PLXNA2: variants seen among roughly 807,000 people sequenced by gnomAD.
PLXNA2 encodes plexin-A2.
Under a neutral mutation model 193.5 loss-of-function variants are expected in PLXNA2, and 91 were observed. The observed-to-expected ratio is 0.47, with a 90% CI of 0.40 to 0.56. The LOEUF is 0.56. PLXNA2 is among the 20% of genes least tolerant of loss of function. PLXNA2 has a pLI of 0.00. For missense variants in PLXNA2, 1,995 were observed against 2,503.2 expected (o/e 0.80, Z 4.33); for synonymous variants, 997 against 1,027.3 (o/e 0.97, Z 0.56).
At chr1:208,031,829 G>T in intron 28 of PLXNA2, 70 bp from the exon 29 acceptor site, 1 of 1,380,850 alleles carries the variant, frequency 7.2e-7, no homozygotes, top group Non-Finnish European at 1.0e-6. Context: ...ATACCAGATG[G>T]TGCCTTGGAC....
chr1:208,136,079 C>A (rs896134740), intron 4 of PLXNA2, among the ~76,000 whole-genome samples: 2 of 152,218 alleles, frequency 1.3e-5, no homozygotes, highest in Admixed American at 6.5e-5. Flanking sequence ...ACAGTCCCAA[C>A]TGATCCCAGC....
intron 28 of PLXNA2, among the ~76,000 whole-genome samples, chr1:208,032,523 G>C (rs1664534700): frequency 6.6e-6 from 1 of 152,236 alleles, no homozygotes; most frequent in African/African-American, 2.4e-5. Flanking sequence ...TGTGAGAGCT[G>C]TAAGTTGGAT....
Position 208,027,287 on chromosome 1 carries a change from A to C in PLXNA2, c.5641T>G (p.Tyr1881Asp), listed in dbSNP as rs778028493. 3 of 1,613,600 alleles carry C rather than the reference A, an allele frequency of 1.9e-6. No homozygotes were observed. Among genetic ancestry groups the C allele is most frequent in the Admixed American group, 3.3e-5 (2 of 60,012 alleles). ...DEQARRQRLAYKVEQLINAMS... is the reference protein window; with the variant it reads ...DEQARRQRLADKVEQLINAMS... The stretch of plus-strand genomic sequence containing the variant: ...GCATTAATGAGCTGCTCCACCTTAT[A>C]AGCCAGCCGCTGCCGCCGTGCCTGC... Residue 1881 changes from tyrosine (Y) to aspartate (D), a missense_variant, in exon 32 of 32, where the codon TAT (tyrosine) becomes GAT (aspartate). Physicochemically the swap from Tyr to Asp is radical, Grantham distance 160. This residue lies in a region of PLXNA2 where 1,291 missense variants were observed against 1,673.6 expected (regional missense o/e 0.77). Coordinates refer to ENST00000367033, the MANE Select transcript of PLXNA2 (RefSeq NM_025179.4).
intron 1 of PLXNA2, among the ~76,000 whole-genome samples, chr1:208,237,715 A>G (rs1671911341): frequency 6.6e-6 from 1 of 152,192 alleles, no homozygotes; most frequent in African/African-American, 2.4e-5. Context: ...GACTTAAAGC[A>G]AAGGCTTTGA....
intron 9 of PLXNA2, among the ~76,000 whole-genome samples, chr1:208,090,415 A>C (rs1666669740): frequency 6.6e-6 from 1 of 152,122 alleles, no homozygotes; most frequent in Non-Finnish European, 1.5e-5. Flanking sequence ...AGTTGCAGGG[A>C]GGCAACAGCT....
intron 3 of PLXNA2, among the ~76,000 whole-genome samples, chr1:208,181,969 C>G (rs1448606253): frequency 6.6e-6 from 1 of 152,142 alleles, no homozygotes; most frequent in Non-Finnish European, 1.5e-5. Flanking sequence ...TCAACTCCTC[C>G]CTGCTCTAGC....
At position 208,198,391 on chromosome 1, in the gene PLXNA2, G is replaced by GTGA. The variant is rs778719079; in HGVS notation, c.1371+11886_1371+11888dup. Among the ~76,000 whole-genome samples, 230 of 152,368 alleles carry GTGA rather than the reference G, an allele frequency of 1.5e-3. 4 individuals are homozygous for GTGA. The highest frequency in any genetic ancestry group is 0.013 in the Admixed American group (206 of 15,302). On this transcript the variant is annotated intron_variant, in intron 3 of 31. Coordinates refer to ENST00000367033, the MANE Select transcript of PLXNA2 (RefSeq NM_025179.4). The stretch of plus-strand genomic sequence containing the variant: ...CCCGGGGGCTCCGAGGGATGCATGG[G>GTGA]TGATGGGCCCTGGCCCCACGCTTTA...
intron 3 of PLXNA2, among the ~76,000 whole-genome samples, chr1:208,168,517 T>C (rs759421307): frequency 7.9e-5 from 12 of 152,134 alleles, no homozygotes; most frequent in Non-Finnish European, 1.6e-4. Context: ...AATAATGCCA[T>C]GAGGGGGAGT....
At chr1:208,136,820 G>T (rs1668315299) in intron 4 of PLXNA2, among the ~76,000 whole-genome samples, 1 of 152,198 alleles carries the variant, frequency 6.6e-6, no homozygotes, top group Non-Finnish European at 1.5e-5. Flanking sequence ...TGGTGGAGAT[G>T]TTTCTAGCCC....
At position 208,197,137 on chromosome 1, in the gene PLXNA2, CT is replaced by C. The variant is rs756098500; in HGVS notation, c.1371+13142del. Among the ~76,000 whole-genome samples the C allele has an allele frequency of 8.2e-4, 125 of 152,256 alleles. No individual in the cohort carries two copies. The Middle Eastern group carries it at 0.014, about 17-fold the overall frequency. Reference sequence around the variant, plus strand: ...TTAGGACTTGAACTCAAACCATTGTCTTATCTCAATGATATAAAACAATGAA... The same window carrying C: ...TTAGGACTTGAACTCAAACCATTGTCTATCTCAATGATATAAAACAATGAA... On this transcript the variant is annotated intron_variant, in intron 3 of 31. Transcript: ENST00000367033.
chr1:208,042,257 C>T lies in PLXNA2; in HGVS notation c.4127G>A (p.Arg1376His), dbSNP rs895987183. 27 of 1,614,082 alleles carry T rather than the reference C, an allele frequency of 1.7e-5. No individual in the cohort carries two copies. The highest frequency in any genetic ancestry group is 1.6e-4 in the Middle Eastern group (1 of 6,084). Residue 1376 changes from arginine (R) to histidine (H), a missense_variant, in exon 22 of 32, where the codon CGC (arginine) becomes CAC (histidine). This residue lies in a region of PLXNA2 where 1,291 missense variants were observed against 1,673.6 expected (regional missense o/e 0.77). Coordinates refer to ENST00000367033, the MANE Select transcript of PLXNA2 (RefSeq NM_025179.4). ...LTFIRTLELQRSFSMRDRGNV... is the reference protein window; with the variant it reads ...LTFIRTLELQHSFSMRDRGNV... ...GCCCCGGTCGCGCATGGAGAAACTG[C>T]GCTGCAGCTCCAGGGTGCGGATGAA...
At chr1:208,226,130 C>G (rs1439867638) in intron 1 of PLXNA2, among the ~76,000 whole-genome samples, 1 of 152,218 alleles carries the variant, frequency 6.6e-6, no homozygotes, top group Non-Finnish European at 1.5e-5. Context: ...CTCACTTGCT[C>G]TGCCCATGAT....
At chr1:208,161,521 G>A (rs527931951) in intron 3 of PLXNA2, among the ~76,000 whole-genome samples, 97 of 152,244 alleles carry the variant, frequency 6.4e-4, no homozygotes, top group Admixed American at 1.2e-3. Flanking sequence ...GCAACTTCAC[G>A]AGAGAGTAGA....
chr1:208,171,676 C>T (rs907972747), intron 3 of PLXNA2, among the ~76,000 whole-genome samples: 5 of 152,104 alleles, frequency 3.3e-5, no homozygotes, highest in Non-Finnish European at 7.3e-5. Context: ...GAGTGAGACC[C>T]TGTTTCTGCG....
intron 1 of PLXNA2, among the ~76,000 whole-genome samples, chr1:208,239,134 T>C (rs1671963277): frequency 6.7e-6 from 1 of 148,566 alleles, no homozygotes; most frequent in African/African-American, 2.5e-5. Flanking sequence ...ATATCTCATC[T>C]ATTAATATTT....
chr1:208,161,806 C>T (rs1669114234), intron 3 of PLXNA2, among the ~76,000 whole-genome samples: 1 of 152,230 alleles, frequency 6.6e-6, no homozygotes, highest in African/African-American at 2.4e-5. Flanking sequence ...CCCTTTTTCT[C>T]CACAGTCATG....
chr1:208,101,166 C>A (rs576397461), intron 5 of PLXNA2, among the ~76,000 whole-genome samples: 8 of 152,284 alleles, frequency 5.3e-5, no homozygotes, highest in African/African-American at 1.9e-4. Context: ...ATGGCAACAG[C>A]CCTAACAGAG....
chr1:208,137,676 A>G (rs1353361648), intron 4 of PLXNA2, among the ~76,000 whole-genome samples: 1 of 152,200 alleles, frequency 6.6e-6, no homozygotes. Context: ...TTCCCCTGGG[A>G]CTGGCCGGTC....
intron 12 of PLXNA2, among the ~76,000 whole-genome samples, chr1:208,077,557 G>A (rs367843680): frequency 1.3e-5 from 2 of 152,130 alleles, no homozygotes; most frequent in South Asian, 2.1e-4. Flanking sequence ...CCACACCATG[G>A]GTGCCCACAG....
Sources: allele counts gnomAD v4.1 joint callset (sites outside exome capture counted in the v4.1 genomes callset), GRCh38; gene constraint gnomAD v4.1.1; regional missense constraint gnomAD v4.1.1; transcripts MANE v1.5; gene names NCBI Gene and HGNC (gene_info 2026-07-23, HGNC 2026-07-21).